Variants in CHRM5 observed in about 807,000 individuals in gnomAD.
CHRM5 encodes muscarinic acetylcholine receptor M5.
Under a neutral mutation model 39.0 loss-of-function variants are expected in CHRM5, and 18 were observed. That is an observed-to-expected ratio of 0.46 (90% confidence interval 0.32 to 0.68). The LOEUF (loss-of-function observed/expected upper bound fraction) is 0.68, where lower values mean the gene tolerates loss of function less well. Ranked by LOEUF, CHRM5 falls within the 30% of genes least tolerant of loss-of-function variation. CHRM5 has a pLI of 0.04. For synonymous variants in CHRM5, 241 were observed against 246.3 expected (o/e 0.98, Z 0.20); for missense variants, 515 against 651.1 (o/e 0.79, Z 2.28).
At chr15:34,019,516 C>T (rs569744148) in intron 1 of CHRM5, among the ~76,000 whole-genome samples, 1 of 152,254 alleles carries the variant, frequency 6.6e-6, no homozygotes, top group African/African-American at 2.4e-5. Context: ...ATGTCCTAGG[C>T]CTTCCTATTC....
chr15:34,027,348 C>T (rs1450233013), intron 1 of CHRM5, among the ~76,000 whole-genome samples: 2 of 151,842 alleles, frequency 1.3e-5, no homozygotes, highest in Non-Finnish European at 2.9e-5. Flanking sequence ...AACTCTGTCT[C>T]TACTAAAAAT....
intron 1 of CHRM5, among the ~76,000 whole-genome samples, chr15:33,987,407 T>C (rs1288737186): frequency 3.9e-5 from 6 of 152,128 alleles, no homozygotes; most frequent in Admixed American, 1.3e-4. Context: ...AGAAAAACAA[T>C]GGACAGCCAC....
chr15:33,984,023 C>T (rs1359273537), intron 1 of CHRM5, among the ~76,000 whole-genome samples: 2 of 151,382 alleles, frequency 1.3e-5, no homozygotes, highest in Non-Finnish European at 2.9e-5. Context: ...GACTGAGAAA[C>T]TGTCACAAAT....
intron 2 of CHRM5, among the ~76,000 whole-genome samples, chr15:34,058,941 G>A (rs968046491): frequency 3.9e-5 from 6 of 152,030 alleles, no homozygotes; most frequent in African/African-American, 1.5e-4. Flanking sequence ...CTGTCGCCCA[G>A]GCTGGAATGC....
chr15:34,043,964 T>C (rs1052622568), intron 1 of CHRM5, among the ~76,000 whole-genome samples: 2 of 152,112 alleles, frequency 1.3e-5, no homozygotes, highest in Admixed American at 1.3e-4. Context: ...CTAGATCTTA[T>C]CTGTGATCAC....
At chr15:34,036,283 C>G (rs2632089) in intron 1 of CHRM5, among the ~76,000 whole-genome samples, 1 of 152,176 alleles carries the variant, frequency 6.6e-6, no homozygotes, top group Non-Finnish European at 1.5e-5. Flanking sequence ...CTAAGTTACC[C>G]TGGAGTATTA....
intron 1 of CHRM5, among the ~76,000 whole-genome samples, chr15:33,979,303 C>T (rs1896031807): frequency 6.6e-6 from 1 of 152,142 alleles, no homozygotes; most frequent in Admixed American, 6.5e-5. Context: ...GGAAGGATTG[C>T]TTGAGCCCAA....
chr15:34,003,087 A>C, intron 1 of CHRM5: 1 of 1,613,988 alleles, frequency 6.2e-7, no homozygotes, highest in Non-Finnish European at 8.5e-7. Context: ...CTCCACTTTC[A>C]TTATTGACCT....
chr15:33,983,512 T>C (rs994243359), intron 1 of CHRM5, among the ~76,000 whole-genome samples: 2 of 152,126 alleles, frequency 1.3e-5, no homozygotes, highest in Admixed American at 6.5e-5. Context: ...TTAGTCATTA[T>C]AACTTGACCT....
intron 2 of CHRM5, among the ~76,000 whole-genome samples, chr15:34,060,619 T>C (rs936182370): frequency 1.3e-5 from 2 of 152,210 alleles, no homozygotes; most frequent in South Asian, 4.1e-4. Flanking sequence ...CTTTCGCCTG[T>C]AATCCCAGAA....
chr15:33,979,435 G>A (rs1213558260), intron 1 of CHRM5, among the ~76,000 whole-genome samples: 1 of 152,092 alleles, frequency 6.6e-6, no homozygotes, highest in African/African-American at 2.4e-5. Context: ...CATGAGCCCA[G>A]GAGGTTGAGG....
chr15:33,986,763 T>C (rs1029572144), intron 1 of CHRM5, among the ~76,000 whole-genome samples: 6 of 151,658 alleles, frequency 4.0e-5, no homozygotes, highest in African/African-American at 1.4e-4. Context: ...TTCAAGCGAT[T>C]CTCCTGTGTC....
intron 2 of CHRM5, among the ~76,000 whole-genome samples, chr15:34,056,067 A>G (rs1311362272): frequency 1.3e-5 from 2 of 152,184 alleles, no homozygotes; most frequent in East Asian, 3.9e-4. Context: ...CCAGGAACTC[A>G]AAATATGCTG....
chr15:34,015,543 A>G (rs1384407984), intron 1 of CHRM5, among the ~76,000 whole-genome samples: 3 of 152,190 alleles, frequency 2.0e-5, no homozygotes, highest in Non-Finnish European at 2.9e-5. Context: ...TTATAATACA[A>G]TCTCACTGTT....
At chr15:33,971,844 T>C (rs2140497349) in intron 1 of CHRM5, among the ~76,000 whole-genome samples, 1 of 152,246 alleles carries the variant, frequency 6.6e-6, no homozygotes, top group East Asian at 1.9e-4. Context: ...AATAAGGATG[T>C]AGTTCACCAT....
At chr15:34,011,491 C>G (rs1475801050) in intron 1 of CHRM5, among the ~76,000 whole-genome samples, 1 of 152,044 alleles carries the variant, frequency 6.6e-6, no homozygotes, top group Non-Finnish European at 1.5e-5. Context: ...AATTGGGCTC[C>G]AAAATACTGT....
At chr15:34,016,188 C>A (rs2702303) in intron 1 of CHRM5, among the ~76,000 whole-genome samples, 1 of 152,134 alleles carries the variant, frequency 6.6e-6, no homozygotes, top group Non-Finnish European at 1.5e-5. Context: ...GAGCCAAGAT[C>A]GTGCCATTGC....
At chr15:33,986,251 C>A (rs1013092813) in intron 1 of CHRM5, among the ~76,000 whole-genome samples, 3 of 152,018 alleles carry the variant, frequency 2.0e-5, no homozygotes, top group African/African-American at 7.2e-5. Context: ...GGACTACAGG[C>A]ACCTGCCACC....
chr15:34,028,530 C>T (rs375403980), intron 1 of CHRM5, among the ~76,000 whole-genome samples: 5 of 152,308 alleles, frequency 3.3e-5, no homozygotes, highest in African/African-American at 1.2e-4. Flanking sequence ...ATGCCATGGG[C>T]ACTCCAGCAT....
Sources: gnomAD v4.1 joint callset for allele counts (sites outside exome capture counted in the v4.1 genomes callset) on GRCh38, gnomAD v4.1.1 for gene constraint, MANE v1.5 for transcripts, NCBI Gene and HGNC (gene_info 2026-07-23, HGNC 2026-07-21) for gene names.